Variants in ANK2 observed in about 807,000 individuals in gnomAD.
ANK2 encodes the protein ankyrin-2.
In ANK2, 83 loss-of-function variants were observed where a neutral mutation model predicts 360.5. The ratio of observed to expected loss-of-function variants is 0.23; its 90% CI spans 0.19 to 0.28. ANK2 has a LOEUF of 0.28. ANK2 is among the 10% of genes least tolerant of loss of function. ANK2 has a pLI of 1.00. For synonymous variants in ANK2, 1,740 were observed against 1,759.5 expected, an observed-to-expected ratio of 0.99 and a Z score of 0.28; for missense variants, 4,201 against 4,795.7, an observed-to-expected ratio of 0.88 and a Z score of 3.66.
At chr4:112,716,691 G>T in the ANK2 span, among the ~76,000 whole-genome samples, 1 of 152,110 alleles carries the variant, frequency 6.6e-6, no homozygotes, top group Non-Finnish European at 1.5e-5. Flanking sequence ...TCAGCCTTCT[G>T]AGTAAATGGT....
At chr4:113,302,508 G>T (rs561906888) in intron 22 of ANK2, among the ~76,000 whole-genome samples, 5 of 152,234 alleles carry the variant, frequency 3.3e-5, no homozygotes, top group South Asian at 2.1e-4. Context: ...CATTGCTAAA[G>T]AATTTATTTT....
intron 1 of ANK2, among the ~76,000 whole-genome samples, chr4:113,107,423 G>A (rs2093764224): frequency 6.6e-6 from 1 of 152,118 alleles, no homozygotes; most frequent in African/African-American, 2.4e-5. Flanking sequence ...TGCCATGTTG[G>A]CCATGCAGGT....
At chr4:113,179,120 G>A (rs1562658706) in intron 2 of ANK2, among the ~76,000 whole-genome samples, 3 of 152,194 alleles carry the variant, frequency 2.0e-5, no homozygotes, top group East Asian at 3.9e-4. Context: ...AAATACCCAG[G>A]AAAGTAAAAG....
intron 2 of ANK2, among the ~76,000 whole-genome samples, chr4:113,185,886 TA>T (rs1258795718): frequency 6.6e-6 from 1 of 152,200 alleles, no homozygotes; most frequent in Admixed American, 6.5e-5. Context: ...TGATTTTTGA[TA>T]AGGTGTAAGG....
At chr4:113,012,489 A>G (rs894494451) in intron 2 of ANK2, among the ~76,000 whole-genome samples, 2 of 152,162 alleles carry the variant, frequency 1.3e-5, no homozygotes, top group Non-Finnish European at 2.9e-5. Flanking sequence ...TCAAGGTCAC[A>G]TGTCTGCTGT....
At chr4:112,728,404 C>T in the ANK2 span, among the ~76,000 whole-genome samples, 1 of 150,916 alleles carries the variant, frequency 6.6e-6, no homozygotes, top group Non-Finnish European at 1.5e-5. Context: ...ATTTGATAAC[C>T]GAGAAGAAAT....
At chr4:112,740,607 G>T in the ANK2 span, among the ~76,000 whole-genome samples, 3 of 152,044 alleles carry the variant, frequency 2.0e-5, no homozygotes, top group Non-Finnish European at 4.4e-5. Flanking sequence ...AGGAGGCTGA[G>T]GCAGGAGAAT....
intron 2 of ANK2, among the ~76,000 whole-genome samples, chr4:112,908,600 G>A (rs753898875): frequency 1.1e-4 from 17 of 152,166 alleles, no homozygotes; most frequent in Non-Finnish European, 2.5e-4. Flanking sequence ...CCTGCTTCCT[G>A]TTTAGTCACT....
At chr4:113,104,062 C>G (rs2093313132) in intron 1 of ANK2, among the ~76,000 whole-genome samples, 1 of 152,128 alleles carries the variant, frequency 6.6e-6, no homozygotes, top group African/African-American at 2.4e-5. Context: ...AGATCAAATT[C>G]TAAATCTCCT....
intron 4 of ANK2, among the ~76,000 whole-genome samples, chr4:113,227,262 A>C (rs1056494803): frequency 6.6e-6 from 1 of 152,148 alleles, no homozygotes; most frequent in Non-Finnish European, 1.5e-5. Context: ...TTGTAACAAT[A>C]AACAATGCTC....
chr4:113,349,553 A>G (rs897278034), intron 36 of ANK2, among the ~76,000 whole-genome samples: 3 of 152,202 alleles, frequency 2.0e-5, no homozygotes, highest in Admixed American at 2.0e-4. Flanking sequence ...ACATAGCCAT[A>G]TACACAATCA....
chr4:112,960,109 C>A (rs13126905), intron 2 of ANK2, among the ~76,000 whole-genome samples: 2 of 152,094 alleles, frequency 1.3e-5, no homozygotes, highest in Non-Finnish European at 2.9e-5. Context: ...GTATTCAAGC[C>A]AAACAACTCA....
chr4:112,993,873 A>AT (rs1475369982), intron 2 of ANK2, among the ~76,000 whole-genome samples: 2 of 149,338 alleles, frequency 1.3e-5, no homozygotes, highest in Non-Finnish European at 3.0e-5. Flanking sequence ...TGCCCAGCTA[A>AT]TTTTTTGTAT....
intron 1 of ANK2, among the ~76,000 whole-genome samples, chr4:113,092,022 T>A (rs2088502885): frequency 6.6e-6 from 1 of 152,216 alleles, no homozygotes; most frequent in Non-Finnish European, 1.5e-5. Flanking sequence ...CCAAAATTCA[T>A]TAATATGAAG....
the ANK2 span, chr4:112,798,732 C>T: frequency 6.6e-6 from 1 of 152,196 alleles, no homozygotes; most frequent in African/African-American, 2.4e-5. Context: ...TGGTGTAGCA[C>T]AAGGGTGTGG....
At chr4:113,033,132 CT>C (rs1157843306) in intron 2 of ANK2, among the ~76,000 whole-genome samples, 2 of 152,014 alleles carry the variant, frequency 1.3e-5, no homozygotes, top group Non-Finnish European at 2.9e-5. Flanking sequence ...GCCTTAGGAA[CT>C]TGATAAATAG....
chr4:113,105,576 A>C (rs770711635), intron 1 of ANK2, among the ~76,000 whole-genome samples: 1 of 152,212 alleles, frequency 6.6e-6, no homozygotes, highest in East Asian at 1.9e-4. Context: ...TAATTTTACT[A>C]TTGCTGTCAA....
the ANK2 span, among the ~76,000 whole-genome samples, chr4:112,810,141 ATATATATATATATATATATTT>A: frequency 3.8e-5 from 1 of 26,058 alleles, no homozygotes; most frequent in African/African-American, 2.4e-4. Context: ...ATATATATAT[ATATATATATATATATATATTT>A]TTTTTTTTTT....
At chr4:112,825,920 T>C (rs1036899454) in intron 1 of ANK2, among the ~76,000 whole-genome samples, 1 of 152,156 alleles carries the variant, frequency 6.6e-6, no homozygotes, top group African/African-American at 2.4e-5. Context: ...TTCCTCCATA[T>C]ATAGGGTGGG....
Sources: allele counts gnomAD v4.1 joint callset (sites outside exome capture counted in the v4.1 genomes callset), GRCh38; gene constraint gnomAD v4.1.1; transcripts MANE v1.5; gene names NCBI Gene and HGNC (gene_info 2026-07-23, HGNC 2026-07-21).